The following ZNF283 variants were observed in gnomAD, a reference collection of about 807,000 sequenced individuals.
ZNF283 encodes the protein zinc finger protein 283.
In ZNF283, 10 loss-of-function variants were observed where a neutral mutation model predicts 9.2. That is an observed-to-expected ratio of 1.09 (90% CI 0.67 to 1.85). The LOEUF is 1.85. ZNF283 is among the 40% of genes most tolerant of loss of function. ZNF283 has a pLI of 0.00. For synonymous variants in ZNF283, 234 were observed against 244.1 expected (o/e 0.96, Z 0.38); for missense variants, 631 against 760.1 (o/e 0.83, Z 2.00).
chr19:43,832,604 C>T (rs1273894221), intron 3 of ZNF283, among the ~76,000 whole-genome samples: 1 of 152,160 alleles, frequency 6.6e-6, no homozygotes, highest in Non-Finnish European at 1.5e-5. Flanking sequence ...TTTGAGTTCA[C>T]GTTATAAGAA....
In ZNF283 at chr19:43,828,293, TATACATACTTTTTAA is replaced by T. The variant is rs1352812258; in HGVS notation, c.-65+21_-65+35del. 3 of 152,216 alleles carry T rather than the reference TATACATACTTTTTAA, an allele frequency of 2.0e-5. No homozygotes were observed. The highest frequency in any genetic ancestry group is 7.2e-5 in the African/African-American group (3 of 41,464). The allele number at this position is 152,216 out of a possible 1,614,324, so 9.4% of individuals were successfully genotyped here. A position where few individuals can be genotyped will look rare whatever the true frequency, so the allele number is the denominator to read the frequency against. On this transcript the variant is annotated intron_variant, in intron 2 of 6. Transcript: ENST00000618787. ...AAATCAAGGTTCAGGTGAGGTTTTTTATACATACTTTTTAAATACATACACATACAATTACCTTTG... is the reference window on the plus strand; with the variant it reads ...AAATCAAGGTTCAGGTGAGGTTTTTTATACATACACATACAATTACCTTTG...
At chr19:43,845,812 A>G (rs1389335386) in intron 6 of ZNF283, among the ~76,000 whole-genome samples, 3 of 152,110 alleles carry the variant, frequency 2.0e-5, no homozygotes, top group Non-Finnish European at 4.4e-5. Flanking sequence ...ATGACATAGC[A>G]TTTCCCATAT....
intron 6 of ZNF283, among the ~76,000 whole-genome samples, chr19:43,838,707 C>T (rs1971080558): frequency 6.6e-6 from 1 of 152,110 alleles, no homozygotes; most frequent in African/African-American, 2.4e-5. Flanking sequence ...GGGCTATATT[C>T]TGTTTTTTTT....
chr19:43,848,414 G>A lies in ZNF283; in HGVS notation c.1813G>A (p.Gly605Arg), dbSNP rs1971508375. Reference protein sequence around the residue: ...NEKSYECKDCGKAFGSGYQLS... With the variant: ...NEKSYECKDCRKAFGSGYQLS... ...GAAGTCTTATGAATGTAAAGACTGT[G>A]GGAAGGCCTTTGGTAGTGGCTATCA... Residue 605 changes from glycine (G) to arginine (R), a missense_variant, in exon 7 of 7, where the codon GGG becomes AGG. Coordinates refer to ENST00000618787, the MANE Select transcript of ZNF283 (RefSeq NM_181845.2). The A allele has an allele frequency of 8.1e-6, 13 of 1,614,030 alleles. 1 individual carries two copies. The East Asian group carries it at 2.9e-4, about 36-fold the overall frequency.
rs1971505832 is a variant in ZNF283, at chr19:43,848,379, A to G, written c.1778A>G (p.His593Arg). 1 of 1,613,868 alleles carries G rather than the reference A, an allele frequency of 6.2e-7. No homozygotes were observed. Among genetic ancestry groups the G allele is most frequent in the Non-Finnish European group, 8.5e-7 (1 of 1,179,890 alleles). The change falls in exon 7 of 7, where the codon CAT (histidine) becomes CGT (arginine). Residue 593 changes from histidine to arginine, a missense_variant. Transcript: ENST00000618787. Reference protein sequence around the residue: ...GSSLVKHERVHTNEKSYECKD... With the variant: ...GSSLVKHERVRTNEKSYECKD... ...AGCCTAGTTAAGCATGAGAGAGTCC[A>G]TACTAATGAGAAGTCTTATGAATGT...
At position 43,851,465 on chromosome 19, in the gene ZNF283, C is replaced by T. The variant is rs899786654; in HGVS notation, c.*2824C>T. On this transcript the variant is annotated 3_prime_UTR_variant, in exon 7 of 7. Transcript: ENST00000618787. ...GGCGCGGTGGCTCATGCCTGTAATC[C>T]CAGAACTTTGGGAAGCCGAGGCGGG... 6.6e-6 allele frequency: 1 copy of T among 151,914 alleles called. No homozygotes were observed. The highest frequency in any genetic ancestry group is 2.1e-4 in the South Asian group (1 of 4,814). The allele number at this position is 151,914 out of a possible 1,614,324, so 9.4% of individuals were successfully genotyped here.
intron 6 of ZNF283, among the ~76,000 whole-genome samples, chr19:43,839,522 T>G (rs916290919): frequency 1.3e-5 from 2 of 152,148 alleles, no homozygotes; most frequent in African/African-American, 4.8e-5. Flanking sequence ...TTCTTCAAAT[T>G]TTTTTCTCTA....
At chr19:43,837,861 T>G (rs1971046250) in intron 6 of ZNF283, 1 of 152,132 alleles carries the variant, frequency 6.6e-6, no homozygotes, top group African/African-American at 2.4e-5. Flanking sequence ...GAAAGGAACT[T>G]TACCAGAACT....
intron 4 of ZNF283, among the ~76,000 whole-genome samples, chr19:43,835,225 G>A (rs16976816): frequency 0.038 from 5,779 of 152,186 alleles, 255 homozygotes; most frequent in African/African-American, 0.1. Flanking sequence ...GACCATGACA[G>A]GTATTCCTGA....
At chr19:43,830,019 TCA>T (rs762873587) in intron 2 of ZNF283, among the ~76,000 whole-genome samples, 2 of 152,158 alleles carry the variant, frequency 1.3e-5, no homozygotes, top group Non-Finnish European at 2.9e-5. Context: ...CAAGACTGTC[TCA>T]CACACAGACA....
intron 5 of ZNF283, among the ~76,000 whole-genome samples, chr19:43,836,486 C>A (rs774206305): frequency 6.6e-6 from 1 of 152,154 alleles, no homozygotes; most frequent in Non-Finnish European, 1.5e-5. Context: ...GGATTACAGG[C>A]ATCTGCCACC....
intron 6 of ZNF283, among the ~76,000 whole-genome samples, chr19:43,842,265 C>T (rs1568420628): frequency 6.6e-6 from 1 of 152,004 alleles, no homozygotes; most frequent in African/African-American, 2.4e-5. Flanking sequence ...TATTGTTAAG[C>T]CTATCCAATA....
intron 2 of ZNF283, among the ~76,000 whole-genome samples, chr19:43,828,824 A>G (rs901841752): frequency 1.3e-4 from 20 of 152,140 alleles, no homozygotes; most frequent in Non-Finnish European, 2.8e-4. Context: ...CCTGGCCCAT[A>G]GTCATGATGC....
rs750057530 is a variant in ZNF283 at position 43,847,644 on chromosome 19, A to C, written c.1043A>C (p.Lys348Thr). 2 of 1,613,464 alleles carry C rather than the reference A, an allele frequency of 1.2e-6. No homozygotes were observed. The highest frequency in any genetic ancestry group is 1.7e-6 in the Non-Finnish European group (2 of 1,179,776). The stretch of plus-strand genomic sequence containing the variant: ...ATTCATACAGGTGAGAAACCTTATA[A>C]ATGTAAAGAATGTGGGAAGGCCTTC... ...EIIHTGEKPY[K>T]CKECGKAFSR... is the part of the protein sequence containing the mutation. Residue 348 changes from lysine to threonine, a missense_variant, in exon 7 of 7, where the codon AAA becomes ACA. This residue lies in a region of ZNF283 where 444 missense variants were observed against 522.5 expected (regional missense o/e 0.85). Coordinates refer to ENST00000618787, the MANE Select transcript of ZNF283 (RefSeq NM_181845.2).
intron 6 of ZNF283, among the ~76,000 whole-genome samples, chr19:43,843,606 G>GGT (rs771735537): frequency 3.3e-5 from 5 of 152,070 alleles, no homozygotes; most frequent in Admixed American, 1.3e-4. Context: ...TTATGAGATG[G>GGT]GTGGTAATAT....
At chr19:43,831,912 A>T (rs1970726266) in intron 3 of ZNF283, among the ~76,000 whole-genome samples, 1 of 152,156 alleles carries the variant, frequency 6.6e-6, no homozygotes, top group Non-Finnish European at 1.5e-5. Context: ...TACAGGCGTG[A>T]GCCACCACAC....
chr19:43,843,373 C>T (rs1971288596), intron 6 of ZNF283, among the ~76,000 whole-genome samples: 1 of 152,092 alleles, frequency 6.6e-6, no homozygotes, highest in African/African-American at 2.4e-5. Flanking sequence ...AAACCAACTG[C>T]TTTTTTGACA....
At chr19:43,839,584 C>A (rs10416116) in intron 6 of ZNF283, among the ~76,000 whole-genome samples, 61,425 of 151,704 alleles carry the variant, frequency 0.4, 12,848 homozygotes, top group South Asian at 0.55. Flanking sequence ...TGTTGGTGTG[C>A]TTGATGGTAT....
At chr19:43,832,768 C>T (rs1159448291) in intron 3 of ZNF283, among the ~76,000 whole-genome samples, 1 of 152,108 alleles carries the variant, frequency 6.6e-6, no homozygotes, top group African/African-American at 2.4e-5. Flanking sequence ...GTAATCCCAG[C>T]ACTTTGGGAG....
Sources: allele counts gnomAD v4.1 joint callset (sites outside exome capture counted in the v4.1 genomes callset), GRCh38; gene constraint gnomAD v4.1.1; regional missense constraint gnomAD v4.1.1; transcripts MANE v1.5; gene names NCBI Gene and HGNC (gene_info 2026-07-23, HGNC 2026-07-21).